The following RNF150 variants were observed in gnomAD, a reference collection of about 807,000 sequenced individuals.
RNF150 encodes the protein ring finger protein 150.
RNF150 carries 24 observed loss-of-function variants against 39.3 expected under a neutral mutation model. The observed-to-expected ratio is 0.61, with a 90% CI of 0.44 to 0.86. The LOEUF (loss-of-function observed/expected upper bound fraction) is 0.86, where lower values mean the gene tolerates loss of function less well. Ranked by LOEUF, RNF150 falls within the 40% of genes least tolerant of loss-of-function variation. RNF150 has a pLI of 0.00. For synonymous variants in RNF150, 255 were observed against 227.3 expected (o/e 1.12, Z -1.10); for missense variants, 502 against 587.8 (o/e 0.85, Z 1.51).
At chr4:141,113,206 C>T (rs774562995) in intron 1 of RNF150, among the ~76,000 whole-genome samples, 16 of 151,694 alleles carry the variant, frequency 1.1e-4, no homozygotes, top group Admixed American at 6.6e-4. Flanking sequence ...GTTATTACCC[C>T]GCTTCTGAGC....
chr4:141,035,098 C>T (rs983954825), intron 1 of RNF150, among the ~76,000 whole-genome samples: 5 of 152,152 alleles, frequency 3.3e-5, no homozygotes, highest in African/African-American at 7.2e-5. Context: ...CCTTTACAAA[C>T]TCTCTACAAT....
intron 6 of RNF150, among the ~76,000 whole-genome samples, chr4:140,873,977 A>G (rs1578918618): frequency 6.6e-6 from 1 of 152,084 alleles, no homozygotes; most frequent in East Asian, 1.9e-4. Flanking sequence ...ATTCTATTTT[A>G]AATGGAGCTT....
At chr4:141,015,945 G>T (rs1299982853) in intron 1 of RNF150, among the ~76,000 whole-genome samples, 2 of 151,918 alleles carry the variant, frequency 1.3e-5, no homozygotes, top group African/African-American at 4.8e-5. Flanking sequence ...GGGGGGTGGG[G>T]TGTGTGAAAC....
intron 1 of RNF150, among the ~76,000 whole-genome samples, chr4:141,180,274 T>C (rs1011308484): frequency 2.0e-5 from 3 of 152,190 alleles, no homozygotes; most frequent in Non-Finnish European, 4.4e-5. Flanking sequence ...CAAGTTCAGA[T>C]AGCGGAAGAA....
At chr4:141,051,412 A>T (rs564794906) in intron 1 of RNF150, among the ~76,000 whole-genome samples, 1 of 152,304 alleles carries the variant, frequency 6.6e-6, no homozygotes, top group East Asian at 1.9e-4. Flanking sequence ...CACATTGTAC[A>T]GCTGCAAAAT....
chr4:140,951,181 C>G (rs1732525126), intron 2 of RNF150, among the ~76,000 whole-genome samples: 1 of 152,178 alleles, frequency 6.6e-6, no homozygotes, highest in South Asian at 2.1e-4. Context: ...TACCTTTGCA[C>G]TGTCACGTTT....
chr4:141,169,831 T>A (rs1727668518), intron 1 of RNF150, among the ~76,000 whole-genome samples: 1 of 152,112 alleles, frequency 6.6e-6, no homozygotes, highest in Admixed American at 6.6e-5. Context: ...ATTTAGCCTA[T>A]CAGAGTCATG....
chr4:141,168,437 T>G (rs1161555105), intron 1 of RNF150, among the ~76,000 whole-genome samples: 1 of 152,200 alleles, frequency 6.6e-6, no homozygotes, highest in African/African-American at 2.4e-5. Flanking sequence ...AGCAATCCCA[T>G]TACTGGGTAT....
intron 5 of RNF150, among the ~76,000 whole-genome samples, chr4:140,918,023 C>A (rs1667767434): frequency 6.6e-6 from 1 of 151,692 alleles, no homozygotes; most frequent in Non-Finnish European, 1.5e-5. Context: ...ACCAGAATCT[C>A]TGGGACACAT....
intron 5 of RNF150, among the ~76,000 whole-genome samples, chr4:140,921,004 A>G (rs970711012): frequency 6.6e-6 from 1 of 151,690 alleles, no homozygotes; most frequent in Non-Finnish European, 1.5e-5. Context: ...ACATGGACAC[A>G]GGAAGGGGAA....
At chr4:140,941,804 CA>C (rs1285764112) in intron 4 of RNF150, among the ~76,000 whole-genome samples, 1 of 152,058 alleles carries the variant, frequency 6.6e-6, no homozygotes, top group Non-Finnish European at 1.5e-5. Context: ...ATAACAATAG[CA>C]ATAGCAATAA....
intron 1 of RNF150, among the ~76,000 whole-genome samples, chr4:141,061,966 A>G (rs1737246543): frequency 6.6e-6 from 1 of 152,116 alleles, no homozygotes; most frequent in Non-Finnish European, 1.5e-5. Flanking sequence ...CAGGAAAGAG[A>G]ATAAATCTGA....
intron 4 of RNF150, 140 bp downstream of exon 4, chr4:140,947,514 G>T (rs1325451584): frequency 1.5e-6 from 1 of 682,168 alleles, no homozygotes; most frequent in East Asian, 2.8e-5. Context: ...AGAATGTTAG[G>T]GTTGTCTGCA....
intron 1 of RNF150, among the ~76,000 whole-genome samples, chr4:141,118,118 C>T (rs9790672): frequency 0.76 from 115,478 of 151,938 alleles, 45,194 homozygotes; most frequent in East Asian, 0.88. Flanking sequence ...TTATCAGAGC[C>T]ACACAAGCTC....
At chr4:140,925,798 GAA>G (rs1488518702) in intron 5 of RNF150, among the ~76,000 whole-genome samples, 177 bp downstream of exon 5, 1 of 152,160 alleles carries the variant, frequency 6.6e-6, no homozygotes, top group Admixed American at 6.5e-5. Flanking sequence ...TGTCCTCAGA[GAA>G]AAAGTGAGGG....
chr4:140,880,002 C>T (rs1175120915), intron 6 of RNF150, among the ~76,000 whole-genome samples: 2 of 151,862 alleles, frequency 1.3e-5, no homozygotes, highest in African/African-American at 4.8e-5. Context: ...TTTTTTCTTT[C>T]CTAATTGCTC....
At chr4:141,062,396 C>A (rs1418371063) in intron 1 of RNF150, among the ~76,000 whole-genome samples, 2 of 152,058 alleles carry the variant, frequency 1.3e-5, no homozygotes, top group Non-Finnish European at 2.9e-5. Context: ...TCTACACACA[C>A]ACACGCACAT....
At chr4:140,989,023 G>T (rs923601108) in intron 1 of RNF150, among the ~76,000 whole-genome samples, 1 of 152,036 alleles carries the variant, frequency 6.6e-6, no homozygotes, top group African/African-American at 2.4e-5. Context: ...TATAGAAAAA[G>T]ATTGTCCTCA....
chr4:141,135,556 A>G (rs1727016665), upstream of RNF150, among the ~76,000 whole-genome samples: 1 of 152,238 alleles, frequency 6.6e-6, no homozygotes, highest in Non-Finnish European at 1.5e-5. Flanking sequence ...TAAGGCATGA[A>G]TCCGTGCTAA....
Sources: gnomAD v4.1 joint callset for allele counts (sites outside exome capture counted in the v4.1 genomes callset) on GRCh38, gnomAD v4.1.1 for gene constraint, MANE v1.5 for transcripts, NCBI Gene and HGNC (gene_info 2026-07-23, HGNC 2026-07-21) for gene names.